Variants in TEAD1 observed in about 807,000 individuals in gnomAD.
TEAD1 encodes the protein TEA domain transcription factor 1, also known as transcriptional enhancer factor TEF-1.
TEAD1 carries 9 observed loss-of-function variants against 54.9 expected under a neutral mutation model. The observed-to-expected ratio is 0.16, with a 90% CI of 0.10 to 0.29. The LOEUF (loss-of-function observed/expected upper bound fraction) is 0.29. Among genes scored for constraint, TEAD1 ranks in the 10% least tolerant of loss-of-function variants. The pLI is 1.00. For synonymous variants in TEAD1, 200 were observed against 187.8 expected, an observed-to-expected ratio of 1.07 and a Z score of -0.53; for missense variants, 387 against 535.9, an observed-to-expected ratio of 0.72 and a Z score of 2.74.
In TEAD1 at chr11:12,845,689, CAAG is replaced by C. The variant is rs758592528; in HGVS notation, c.203-16558_203-16556del. Among the ~76,000 whole-genome samples, 135 of 152,348 alleles carry C rather than the reference CAAG, an allele frequency of 8.9e-4. 2 individuals are homozygous for C. Among genetic ancestry groups the C allele is most frequent in the Admixed American group, 6.5e-4 (10 of 15,302 alleles). ...TGTTGTTGTAAAACAGTTTTCATCTCAAGAACCACCTGCCCCTTTTAGCGGTGG... is the reference window on the plus strand; with the variant it reads ...TGTTGTTGTAAAACAGTTTTCATCTCAACCACCTGCCCCTTTTAGCGGTGG... On this transcript the variant is annotated intron_variant, in intron 3 of 12. Transcript: ENST00000527636.
chr11:12,730,416 G>GTTTTTT (rs59731479), intron 2 of TEAD1, among the ~76,000 whole-genome samples: 2 of 60,238 alleles, frequency 3.3e-5, no homozygotes, highest in Admixed American at 2.2e-4. Context: ...CCAGTTGAGT[G>GTTTTTT]TTTTTTTTTT....
In TEAD1 at chr11:12,908,260, T is replaced by A. The variant is rs566723097; in HGVS notation, c.873+6147T>A. ...TACAGTGTTCCTCTGCCCTAATCAT[T>A]CCCTGGAATGGTACCAGACAACTAG... On this transcript the variant is annotated intron_variant, in intron 10 of 12. Transcript: ENST00000527636. Among the ~76,000 whole-genome samples, 8 of 152,258 alleles carry A rather than the reference T, an allele frequency of 5.3e-5. No individual in the cohort carries two copies. In the South Asian group the frequency reaches 1.7e-3, roughly 32 times the overall value.
intron 2 of TEAD1, among the ~76,000 whole-genome samples, chr11:12,758,388 G>C (rs1945028817): frequency 7.0e-6 from 1 of 141,916 alleles, no homozygotes; most frequent in Non-Finnish European, 1.5e-5. Context: ...ATAGGCACCT[G>C]TCATCACGCC....
chr11:12,899,634 A>T (rs1948386719), intron 9 of TEAD1, among the ~76,000 whole-genome samples: 1 of 152,186 alleles, frequency 6.6e-6, no homozygotes, highest in South Asian at 2.1e-4. Context: ...ACCTTTTTAA[A>T]AATAATTTCT....
intron 2 of TEAD1, among the ~76,000 whole-genome samples, chr11:12,682,256 G>A (rs1052348433): frequency 6.6e-6 from 1 of 152,206 alleles, no homozygotes; most frequent in Non-Finnish European, 1.5e-5. Flanking sequence ...TTCTTCATTG[G>A]TTTTAAAGAT....
chr11:12,780,306 C>T (rs1019584148), intron 3 of TEAD1, among the ~76,000 whole-genome samples: 7 of 147,118 alleles, frequency 4.8e-5, no homozygotes, highest in Admixed American at 6.8e-5. Context: ...TGCAGTGGTG[C>T]GATCTTGGCT....
rs186457900 is a variant in TEAD1 at position 12,704,691 on chromosome 11, C to T, written c.-55+29130C>T. Among the ~76,000 whole-genome samples, 22 of 152,290 alleles carry T rather than the reference C, an allele frequency of 1.4e-4. No individual in the cohort carries two copies. The East Asian group carries it at 1.9e-3, about 13-fold the overall frequency. On this transcript the variant is annotated intron_variant, in intron 2 of 12. Transcript: ENST00000527636. ...TGTCTCTCTCTGAGCCTCTTGAGGG[C>T]AGGAACTGGATTTTATCTTTGTATC...
At chr11:12,782,859 C>T (rs2165284) in intron 3 of TEAD1, among the ~76,000 whole-genome samples, 17 of 151,950 alleles carry the variant, frequency 1.1e-4, no homozygotes, top group African/African-American at 3.6e-4. Flanking sequence ...CTGTGGCAGC[C>T]GTATGGTAGG....
At chr11:12,850,890 T>TA (rs1243072928) in intron 3 of TEAD1, among the ~76,000 whole-genome samples, 1 of 152,130 alleles carries the variant, frequency 6.6e-6, no homozygotes, top group East Asian at 1.9e-4. Flanking sequence ...GACATGGGTA[T>TA]AGGGCATGAA....
intron 3 of TEAD1, among the ~76,000 whole-genome samples, chr11:12,821,755 G>A (rs1426647940): frequency 3.9e-5 from 6 of 151,986 alleles, no homozygotes; most frequent in African/African-American, 1.5e-4. Context: ...GGAACCTATG[G>A]CCGGATATGA....
chr11:12,807,134 C>G (rs1464442684), intron 3 of TEAD1, among the ~76,000 whole-genome samples: 1 of 152,210 alleles, frequency 6.6e-6, no homozygotes, highest in African/African-American at 2.4e-5. Flanking sequence ...TGTGAAAGCT[C>G]TCCCTTTTTG....
intron 9 of TEAD1, among the ~76,000 whole-genome samples, chr11:12,890,193 C>T (rs1248383853): frequency 6.6e-6 from 1 of 152,142 alleles, no homozygotes. Context: ...CCAAAGTTTA[C>T]CACCACTCTG....
At chr11:12,842,725 AT>A (rs949352816) in intron 3 of TEAD1, among the ~76,000 whole-genome samples, 35 of 151,760 alleles carry the variant, frequency 2.3e-4, no homozygotes, top group African/African-American at 6.5e-4. Flanking sequence ...CAATAAGTGA[AT>A]TTTTTTTTAT....
chr11:12,920,697 TAGTACA>T (rs1411811642), intron 10 of TEAD1, among the ~76,000 whole-genome samples: 4 of 152,260 alleles, frequency 2.6e-5, no homozygotes, highest in Non-Finnish European at 5.9e-5. Context: ...CAAAATCAAC[TAGTACA>T]ATGTTAGCTT....
chr11:12,755,421 T>G (rs907646255), intron 2 of TEAD1, among the ~76,000 whole-genome samples: 1 of 152,178 alleles, frequency 6.6e-6, no homozygotes, highest in Admixed American at 6.5e-5. Flanking sequence ...CTAAGGAGTG[T>G]TGTTTTCCTG....
At chr11:12,803,491 A>C (rs1354181780) in intron 3 of TEAD1, among the ~76,000 whole-genome samples, 1 of 152,218 alleles carries the variant, frequency 6.6e-6, no homozygotes, top group African/African-American at 2.4e-5. Flanking sequence ...GCTTTTTTAT[A>C]AGCCATGCAA....
At chr11:12,827,478 C>T (rs562409698) in intron 3 of TEAD1, among the ~76,000 whole-genome samples, 2 of 152,270 alleles carry the variant, frequency 1.3e-5, no homozygotes, top group South Asian at 2.1e-4. Flanking sequence ...TGGATGAGAA[C>T]ACTTAGTATC....
At position 12,675,415 on chromosome 11, in the gene TEAD1, T is replaced by TGCTGCCGCTGCCGCTGCC. The variant is rs148096923; in HGVS notation, c.-187_-186insTGCCGCTGCCGCTGCCGC. 1 of 152,554 alleles carries TGCTGCCGCTGCCGCTGCC rather than the reference T, an allele frequency of 6.6e-6. No individual in the cohort carries two copies. The highest frequency in any genetic ancestry group is 2.4e-5 in the African/African-American group (1 of 41,444). 9.5% of individuals were successfully genotyped at this position (152,554 alleles called of 1,614,324 possible). ...GTCTTTGCCGCTTCTCCAGGACTGTTGCTGCCGCTGCCGCCGCCGCTTCAT... is the reference window on the plus strand; with the variant it reads ...GTCTTTGCCGCTTCTCCAGGACTGTTGCTGCCGCTGCCGCTGCCGCTGCCGCTGCCGCCGCCGCTTCAT... On this transcript the variant is annotated 5_prime_UTR_variant, in exon 2 of 13. Transcript: ENST00000527636.
chr11:12,854,007 C>G (rs771347701), intron 3 of TEAD1, among the ~76,000 whole-genome samples: 2 of 152,130 alleles, frequency 1.3e-5, no homozygotes, highest in Admixed American at 6.5e-5. Flanking sequence ...CTATTGTTTA[C>G]CTCCTGAAGG....
Sources: gnomAD v4.1 joint callset for allele counts (sites outside exome capture counted in the v4.1 genomes callset) on GRCh38, gnomAD v4.1.1 for gene constraint, MANE v1.5 for transcripts, NCBI Gene and HGNC (gene_info 2026-07-23, HGNC 2026-07-21) for gene names.